Variants in DCHS2 observed in about 807,000 individuals in gnomAD.
DCHS2 encodes the protein protocadherin-23.
Under a neutral mutation model 182.4 loss-of-function variants are expected in DCHS2, and 142 were observed. The observed-to-expected ratio is 0.78, with a 90% CI of 0.68 to 0.89. The LOEUF is 0.89. Ranked by LOEUF, DCHS2 falls within the 40% of genes least tolerant of loss-of-function variation. The pLI, the probability that DCHS2 is intolerant of heterozygous loss-of-function variation, is 0.00. For synonymous variants in DCHS2, 1,740 were observed against 1,663.3 expected (o/e 1.05, Z -1.12); for missense variants, 4,319 against 4,198.6 (o/e 1.03, Z -0.79).
chr4:154,312,208 CCTT>C (rs1735695714), intron 10 of DCHS2, among the ~76,000 whole-genome samples: 1 of 152,146 alleles, frequency 6.6e-6, no homozygotes, highest in Non-Finnish European at 1.5e-5. Flanking sequence ...GCCTTTAAAT[CCTT>C]CTCTGGGACT....
At chr4:154,261,177 C>T (rs539343026) in intron 14 of DCHS2, among the ~76,000 whole-genome samples, 1 of 152,184 alleles carries the variant, frequency 6.6e-6, no homozygotes, top group Non-Finnish European at 1.5e-5. Flanking sequence ...TACCTGGCTC[C>T]ACCACCTCCT....
At chr4:154,245,018 C>A (rs1560979665) in intron 16 of DCHS2, among the ~76,000 whole-genome samples, 1 of 152,082 alleles carries the variant, frequency 6.6e-6, no homozygotes, top group Non-Finnish European at 1.5e-5. Flanking sequence ...GTTACAACTT[C>A]AGGCATCCTA....
intron 8 of DCHS2, among the ~76,000 whole-genome samples, chr4:154,321,595 C>T (rs907245251): frequency 6.6e-6 from 1 of 152,162 alleles, no homozygotes; most frequent in Non-Finnish European, 1.5e-5. Context: ...ATAATGACAA[C>T]ATCTGTGTAC....
At chr4:154,486,540 G>A (rs2111047199) in intron 1 of DCHS2, 1 of 1,303,372 alleles carries the variant, frequency 7.7e-7, no homozygotes, top group South Asian at 1.2e-5. Flanking sequence ...AGGAAAACTT[G>A]TAGATGGCAA....
chr4:154,273,103 C>CT (rs1396651721), intron 13 of DCHS2, among the ~76,000 whole-genome samples: 6 of 152,212 alleles, frequency 3.9e-5, no homozygotes, highest in Admixed American at 2.0e-4. Context: ...TGGATATCTA[C>CT]CCAGAGGAAA....
At chr4:154,277,971 G>A (rs1460429653) in intron 13 of DCHS2, among the ~76,000 whole-genome samples, 1 of 151,632 alleles carries the variant, frequency 6.6e-6, no homozygotes, top group Admixed American at 6.6e-5. Flanking sequence ...AACGCAGGAG[G>A]CAGAGGCTAC....
chr4:154,236,652 C>T lies in DCHS2; in HGVS notation c.8000G>A (p.Ser2667Asn), dbSNP rs1578835035. 1 of 1,614,014 alleles carries T rather than the reference C, an allele frequency of 6.2e-7. No homozygotes were observed. The highest frequency in any genetic ancestry group is 2.2e-5 in the East Asian group (1 of 44,856). Residue 2667 changes from serine to asparagine, a missense_variant, in exon 20 of 20, where the codon AGC (serine) becomes AAC (asparagine). Ser to Asn is a conservative substitution (Grantham distance 46). Transcript: ENST00000357232. ...DVNDNPPNFS[S>N]LSYHTHVKES... is the part of the protein sequence containing the mutation. ...CTTGACATGGGTGTGATAGCTCAGG[C>T]TGCTGAAGTTTGGGGGATTGTCATT...
At chr4:154,414,669 C>T (rs930653297) in intron 1 of DCHS2, among the ~76,000 whole-genome samples, 2 of 152,074 alleles carry the variant, frequency 1.3e-5, no homozygotes, top group African/African-American at 4.8e-5. Flanking sequence ...ATGCATAAAA[C>T]TATGCTTTTA....
intron 7 of DCHS2, among the ~76,000 whole-genome samples, chr4:154,327,773 C>T (rs1223774209): frequency 6.6e-6 from 1 of 152,116 alleles, no homozygotes; most frequent in East Asian, 1.9e-4. Flanking sequence ...CAATTCTTAT[C>T]CCCTAACTAA....
In DCHS2 at chr4:154,271,951, T is replaced by C. The variant is rs539378330; in HGVS notation, c.6464-1938A>G. On this transcript the variant is annotated intron_variant, in intron 13 of 19. Coordinates refer to ENST00000357232, the MANE Select transcript of DCHS2 (RefSeq NM_001358235.2). ...TGCCCATTTCAGTTTTCTCTCACTT[T>C]TGGCCCCAGTAAATCACTGATCTGC... 1.7e-4 allele frequency among the ~76,000 whole-genome samples: 26 copies of C among 152,268 alleles called. 1 individual carries two copies. The South Asian group carries it at 2.1e-3, about 12-fold the overall frequency.
chr4:154,283,839 T>C (rs1314496481), intron 13 of DCHS2, among the ~76,000 whole-genome samples: 3 of 152,176 alleles, frequency 2.0e-5, no homozygotes, highest in African/African-American at 7.2e-5. Flanking sequence ...GTATGGGCTG[T>C]CATCCCAAAG....
chr4:154,255,797 T>C (rs897507755), intron 15 of DCHS2, 127 bp from the exon 16 acceptor site: 1 of 1,355,470 alleles, frequency 7.4e-7, no homozygotes, highest in African/African-American at 1.5e-5. Context: ...AACGATGAAA[T>C]GAAATACCAA....
At chr4:154,299,728 T>G (rs1735122907) in intron 12 of DCHS2, among the ~76,000 whole-genome samples, 1 of 152,158 alleles carries the variant, frequency 6.6e-6, no homozygotes, top group South Asian at 2.1e-4. Flanking sequence ...ATTCAGTCAT[T>G]CAGCAAACAT....
At chr4:154,268,274 A>G (rs941999233) in intron 14 of DCHS2, among the ~76,000 whole-genome samples, 1 of 147,836 alleles carries the variant, frequency 6.8e-6, no homozygotes, top group Non-Finnish European at 1.5e-5. Context: ...TCTTTGGCAT[A>G]TCTAAATTGC....
intron 1 of DCHS2, among the ~76,000 whole-genome samples, chr4:154,406,721 AAG>A (rs1732417476): frequency 6.6e-6 from 1 of 152,212 alleles, no homozygotes; most frequent in Non-Finnish European, 1.5e-5. Context: ...TACTTGTGGA[AAG>A]AAAATCTCTT....
At chr4:154,479,415 ACT>A (rs1486538840) in intron 1 of DCHS2, among the ~76,000 whole-genome samples, 4 of 152,088 alleles carry the variant, frequency 2.6e-5, no homozygotes, top group African/African-American at 9.7e-5. Context: ...AAGAAAAAGC[ACT>A]CTCTAGAAAG....
At chr4:154,260,709 G>A (rs915080747) in intron 14 of DCHS2, among the ~76,000 whole-genome samples, 1 of 152,128 alleles carries the variant, frequency 6.6e-6, no homozygotes, top group Non-Finnish European at 1.5e-5. Flanking sequence ...TTTCCCAGCA[G>A]CTGCATCATC....
chr4:154,286,728 A>T (rs1170288361), intron 13 of DCHS2, among the ~76,000 whole-genome samples: 1 of 152,120 alleles, frequency 6.6e-6, no homozygotes, highest in Non-Finnish European at 1.5e-5. Flanking sequence ...TAGCCTCAAA[A>T]GGGCAAATCT....
At chr4:154,488,902 C>CTGTG (rs35075104) in intron 1 of DCHS2, among the ~76,000 whole-genome samples, 100 of 62,306 alleles carry the variant, frequency 1.6e-3, no homozygotes, top group African/African-American at 5.8e-3. Context: ...GTGTGTGTGT[C>CTGTG]TGTGTGTGTG....
Sources: allele counts gnomAD v4.1 joint callset (sites outside exome capture counted in the v4.1 genomes callset), GRCh38; gene constraint gnomAD v4.1.1; transcripts MANE v1.5; gene names NCBI Gene and HGNC (gene_info 2026-07-23, HGNC 2026-07-21).